Variants in SPTLC2 observed in about 807,000 individuals in gnomAD.
SPTLC2 encodes serine palmitoyltransferase long chain base subunit 2.
In SPTLC2, 21 loss-of-function variants were observed where a neutral mutation model predicts 62.0. That is an observed-to-expected ratio of 0.34 (90% CI 0.24 to 0.49). The LOEUF is 0.49. Among genes scored for constraint, SPTLC2 ranks in the 20% least tolerant of loss-of-function variants. The pLI is 0.99. For missense variants in SPTLC2, 511 were observed against 713.0 expected, an observed-to-expected ratio of 0.72 and a Z score of 3.23; for synonymous variants, 261 against 261.8, an observed-to-expected ratio of 1.00 and a Z score of 0.03.
At chr14:77,564,418 C>G (rs895669438) in intron 5 of SPTLC2, among the ~76,000 whole-genome samples, 1 of 37,880 alleles carries the variant, frequency 2.6e-5, no homozygotes, top group East Asian at 7.1e-3. Flanking sequence ...CACACACACA[C>G]ACACACACAC....
chr14:77,591,023 C>G (rs575159046), intron 2 of SPTLC2, among the ~76,000 whole-genome samples: 3 of 152,282 alleles, frequency 2.0e-5, no homozygotes, highest in Admixed American at 6.5e-5. Flanking sequence ...AGTGGTAAAC[C>G]TACTACACAA....
At chr14:77,554,439 G>A (rs2079572008) in intron 8 of SPTLC2, among the ~76,000 whole-genome samples, 2 of 152,062 alleles carry the variant, frequency 1.3e-5, no homozygotes, top group African/African-American at 4.8e-5. Context: ...TCCGCCTCCG[G>A]CAACTACTAA....
chr14:77,555,179 G>T, intron 8 of SPTLC2, 121 bp downstream of exon 8: 1 of 1,056,198 alleles, frequency 9.5e-7, no homozygotes, highest in Non-Finnish European at 1.5e-6. Context: ...GGTATTATGA[G>T]CCTAAACCAG....
At chr14:77,585,472 G>C in intron 2 of SPTLC2, among the ~76,000 whole-genome samples, 1 of 152,066 alleles carries the variant, frequency 6.6e-6, no homozygotes, top group East Asian at 1.9e-4. Context: ...TTAGAGTCTG[G>C]GGCACCAATC....
At chr14:77,587,863 A>G (rs2079791146) in intron 2 of SPTLC2, among the ~76,000 whole-genome samples, 1 of 149,958 alleles carries the variant, frequency 6.7e-6, no homozygotes, top group African/African-American at 2.4e-5. Context: ...ATAATATTGC[A>G]TATCAAAGAC....
At chr14:77,563,954 A>C (rs1323767644) in intron 5 of SPTLC2, among the ~76,000 whole-genome samples, 2 of 152,142 alleles carry the variant, frequency 1.3e-5, no homozygotes, top group African/African-American at 4.8e-5. Context: ...AAAAATGTAC[A>C]GATTAAAAAT....
rs2079717986 is a variant in SPTLC2, at chr14:77,576,742, C to G, written c.631+25G>C. 2.5e-6 allele frequency: 4 copies of G among 1,614,136 alleles called. No individual in the cohort carries two copies. The East Asian group carries it at 8.9e-5, about 36-fold the overall frequency. On this transcript the variant is annotated intron_variant, in intron 4 of 11. Coordinates refer to ENST00000216484, the MANE Select transcript of SPTLC2 (RefSeq NM_004863.4). ...ACTAAAACAATGTCAAAAACAGCAG[C>G]TGGCCAAATACAGCTTTCACTTACC...
chr14:77,564,438 CACACACACACACAG>C (rs1453572647), intron 5 of SPTLC2, among the ~76,000 whole-genome samples: 2 of 86,180 alleles, frequency 2.3e-5, no homozygotes, highest in African/African-American at 4.1e-5. Flanking sequence ...CACACACACA[CACACACACACACAG>C]ATGTGTGTGT....
chr14:77,535,147 G>A (rs1282695764), intron 9 of SPTLC2, among the ~76,000 whole-genome samples: 3 of 152,086 alleles, frequency 2.0e-5, no homozygotes, highest in Middle Eastern at 3.2e-3. Context: ...GGCTGGTCTC[G>A]AACTCCCAAT....
chr14:77,601,793 C>T (rs184151433), intron 1 of SPTLC2, among the ~76,000 whole-genome samples: 14 of 152,310 alleles, frequency 9.2e-5, no homozygotes, highest in South Asian at 2.1e-4. Context: ...TCAATCTTGG[C>T]GCCACCCTTC....
intron 9 of SPTLC2, among the ~76,000 whole-genome samples, chr14:77,525,418 C>T (rs1214798830): frequency 6.6e-6 from 1 of 151,470 alleles, no homozygotes; most frequent in Non-Finnish European, 1.5e-5. Flanking sequence ...TGGAGAAATC[C>T]CATCTCTACC....
rs532784385 is a variant in SPTLC2 at position 77,549,370 on chromosome 14, G to A, written c.1303+2726C>T. Among the ~76,000 whole-genome samples, 433 of 152,270 alleles carry A rather than the reference G, an allele frequency of 2.8e-3. 5 individuals carry two copies. Among genetic ancestry groups the A allele is most frequent in the South Asian group, 0.019 (92 of 4,824 alleles). ...AGAAAAGGTCATGGGGTTTCCGCCA[G>A]GTTCTTTGGAATGCTTGCTCTCTGA... On this transcript the variant is annotated intron_variant, in intron 9 of 11. Transcript: ENST00000216484.
chr14:77,528,432 T>C (rs1161871013), intron 9 of SPTLC2, among the ~76,000 whole-genome samples: 6 of 152,116 alleles, frequency 3.9e-5, no homozygotes, highest in Non-Finnish European at 2.9e-5. Flanking sequence ...GGTTTCTCCA[T>C]GTTGATCAGG....
chr14:77,581,677 G>A (rs1038481695), intron 2 of SPTLC2, among the ~76,000 whole-genome samples: 1 of 152,118 alleles, frequency 6.6e-6, no homozygotes, highest in African/African-American at 2.4e-5. Context: ...CTCCCAAAGT[G>A]CTGGGATTAA....
chr14:77,608,841 C>G (rs2079919164), intron 1 of SPTLC2, among the ~76,000 whole-genome samples: 1 of 151,366 alleles, frequency 6.6e-6, no homozygotes, highest in Non-Finnish European at 1.5e-5. Context: ...ATCATTTGAA[C>G]TTGGAGGCGG....
chr14:77,597,064 G>A (rs2079851335), intron 2 of SPTLC2, 122 bp downstream of exon 2: 2 of 902,122 alleles, frequency 2.2e-6, no homozygotes, highest in Non-Finnish European at 1.7e-6. Context: ...TCATTTAACT[G>A]CATCTGGAAT....
Position 77,531,481 on chromosome 14 carries a change from C to CCCTCCT in SPTLC2, c.1304-9906_1304-9901dup, listed in dbSNP as rs1219084054. Among the ~76,000 whole-genome samples the CCCTCCT allele has an allele frequency of 8.9e-5, 8 of 90,286 alleles. 1 individual carries two copies. The highest frequency in any genetic ancestry group is 4.2e-4 in the African/African-American group (8 of 19,214). 59.2% of individuals were successfully genotyped at this position (90,286 alleles called of 152,430 possible). On this transcript the variant is annotated intron_variant, in intron 9 of 11. Coordinates refer to ENST00000216484, the MANE Select transcript of SPTLC2 (RefSeq NM_004863.4). ...CTCCTCCTCCTCCTCCTCCCCCTCC[C>CCCTCCT]CCTCCTCCTCCTCCTCCTCCTCCTC...
chr14:77,520,505 C>T (rs2079380268), intron 10 of SPTLC2, among the ~76,000 whole-genome samples: 1 of 152,212 alleles, frequency 6.6e-6, no homozygotes, highest in African/African-American at 2.4e-5. Context: ...TGGAGAAATG[C>T]TTTAAGATCC....
intron 6 of SPTLC2, among the ~76,000 whole-genome samples, chr14:77,558,619 T>G (rs992284028): frequency 3.0e-5 from 3 of 100,988 alleles, no homozygotes; most frequent in African/African-American, 9.4e-5. Flanking sequence ...AAGCCTCCAG[T>G]TTTTTTGTTT....
Sources: gnomAD v4.1 joint callset for allele counts (sites outside exome capture counted in the v4.1 genomes callset) on GRCh38, gnomAD v4.1.1 for gene constraint, MANE v1.5 for transcripts, NCBI Gene and HGNC (gene_info 2026-07-23, HGNC 2026-07-21) for gene names.